The following PUDP variants were observed in gnomAD, a reference collection of about 807,000 sequenced individuals.
PUDP encodes pseudouridine-5'-phosphatase.
In PUDP, 8 loss-of-function variants were observed where a neutral mutation model predicts 9.4. The ratio of observed to expected loss-of-function variants is 0.85; its 90% CI spans 0.50 to 1.53. PUDP has a LOEUF of 1.53. Among genes scored for constraint, PUDP ranks in the 40% most tolerant of loss-of-function variants. The pLI is 0.00. For missense variants in PUDP, 188 were observed against 189.7 expected (o/e 0.99, Z 0.05); for synonymous variants, 99 against 80.7 (o/e 1.23, Z -1.22).
intron 3 of PUDP, among the ~76,000 whole-genome samples, chrX:6,785,869 T>A (rs1352270326): frequency 9.0e-6 from 1 of 111,662 alleles, no homozygotes; most frequent in Non-Finnish European, 1.9e-5. Flanking sequence ...GGGCCCTGGA[T>A]TCTTGCCCAA....
chrX:6,994,213 C>A (rs938504869), intron 1 of PUDP, among the ~76,000 whole-genome samples: 1 of 110,427 alleles, frequency 9.1e-6, no homozygotes, highest in Non-Finnish European at 1.9e-5. Flanking sequence ...AGGTGCTTGA[C>A]ACCAGCCTGG....
intron 2 of PUDP, among the ~76,000 whole-genome samples, chrX:7,089,577 G>GTT (rs199868774): frequency 1.8e-5 from 2 of 108,838 alleles, no homozygotes; most frequent in African/African-American, 6.7e-5. Context: ...CCTGCCTTTT[G>GTT]TTTTTTTTTG....
At chrX:6,899,410 G>C (rs1054456287) in intron 3 of PUDP, among the ~76,000 whole-genome samples, 1 of 111,733 alleles carries the variant, frequency 8.9e-6, no homozygotes, top group African/African-American at 3.3e-5. Flanking sequence ...GCAAAACCCT[G>C]TGTCTACAAA....
intron 3 of PUDP, among the ~76,000 whole-genome samples, chrX:6,746,509 T>C (rs1226856375): frequency 9.0e-6 from 1 of 111,408 alleles, no homozygotes; most frequent in African/African-American, 3.3e-5. Flanking sequence ...TGTCAACCCA[T>C]CACCTAGGTA....
downstream of PUDP, among the ~76,000 whole-genome samples, chrX:7,046,374 C>G (rs1929984051): frequency 1.8e-5 from 2 of 112,029 alleles, no homozygotes; most frequent in Non-Finnish European, 3.8e-5. Context: ...AGGAGAGAGG[C>G]CTGAGGAGGA....
intron 1 of PUDP, among the ~76,000 whole-genome samples, chrX:7,024,889 C>T (rs958275507): frequency 2.8e-5 from 3 of 108,215 alleles, no homozygotes; most frequent in African/African-American, 6.8e-5. Context: ...CTGCACCTGG[C>T]CGACATAACC....
chrX:7,068,248 G>A (rs1314098311), intron 3 of PUDP, among the ~76,000 whole-genome samples: 2 of 112,305 alleles, frequency 1.8e-5, no homozygotes, highest in Admixed American at 1.9e-4. Flanking sequence ...ATGACAGTGT[G>A]TGCTCCTAAA....
At chrX:6,788,487 G>A (rs1363137971) in intron 3 of PUDP, among the ~76,000 whole-genome samples, 4 of 111,871 alleles carry the variant, frequency 3.6e-5, no homozygotes, top group Non-Finnish European at 5.6e-5. Context: ...CAGATCCCTT[G>A]AGCCTAGGAG....
chrX:7,132,708 T>C (rs1286668903), intron 1 of PUDP, among the ~76,000 whole-genome samples: 1 of 111,882 alleles, frequency 8.9e-6, no homozygotes, highest in Admixed American at 9.5e-5. Context: ...AGGGCCAGTT[T>C]ATGACCAAAT....
chrX:6,838,560 T>C (rs975981782), intron 3 of PUDP, among the ~76,000 whole-genome samples: 3 of 112,361 alleles, frequency 2.7e-5, no homozygotes, highest in African/African-American at 9.7e-5. Flanking sequence ...CCAAACTCTT[T>C]GGGCTTAATT....
chrX:7,127,506 T>C (rs1932514332), intron 1 of PUDP, among the ~76,000 whole-genome samples: 1 of 112,001 alleles, frequency 8.9e-6, no homozygotes, highest in Non-Finnish European at 1.9e-5. Flanking sequence ...TGGAGTTAGG[T>C]GGAAAGATAT....
chrX:6,901,220 C>T lies in PUDP; in HGVS notation c.*247+75913G>A, dbSNP rs760740642. On this transcript the variant is annotated intron_variant and NMD_transcript_variant, in intron 3 of 3. Coordinates refer to the PUDP transcript ENST00000655425. ...CTCATAGACACTGAACAAATGGCTGCAGAGATGATGTAAGATCAGATCAAA... is the reference window on the plus strand; with the variant it reads ...CTCATAGACACTGAACAAATGGCTGTAGAGATGATGTAAGATCAGATCAAA... 2.7e-5 allele frequency among the ~76,000 whole-genome samples: 3 copies of T among 111,966 alleles called. No homozygotes were observed. The East Asian group carries it at 8.4e-4, about 31-fold the overall frequency.
At chrX:6,877,338 T>TA (rs1366003032) in intron 3 of PUDP, among the ~76,000 whole-genome samples, 1 of 110,995 alleles carries the variant, frequency 9.0e-6, no homozygotes, top group African/African-American at 3.3e-5. Flanking sequence ...CATCCTAACA[T>TA]AAAAAAGAAT....
At chrX:6,887,143 TTAATTATTTA>T (rs1160729880) in intron 3 of PUDP, among the ~76,000 whole-genome samples, 11 of 73,845 alleles carry the variant, frequency 1.5e-4, no homozygotes, top group African/African-American at 4.2e-4. Context: ...TTGATTTAAT[TTAATTATTTA>T]ATTTAATTTA....
At chrX:7,147,632 G>T (rs1156282858) in intron 1 of PUDP, among the ~76,000 whole-genome samples, 5 of 112,286 alleles carry the variant, frequency 4.5e-5, no homozygotes, top group Admixed American at 2.8e-4. Context: ...CTTTGCAGAC[G>T]GGGAAGCTGA....
chrX:6,984,601 C>T (rs1327245132), intron 1 of PUDP, among the ~76,000 whole-genome samples: 1 of 111,458 alleles, frequency 9.0e-6, no homozygotes, highest in African/African-American at 3.3e-5. Flanking sequence ...AATCAGGAGT[C>T]AAGTAATGCC....
intron 3 of PUDP, among the ~76,000 whole-genome samples, chrX:6,775,916 C>T (rs1009218905): frequency 3.6e-5 from 4 of 111,484 alleles, no homozygotes; most frequent in African/African-American, 9.8e-5. Flanking sequence ...GAAATGTCTA[C>T]TGTTTATAAG....
intron 3 of PUDP, among the ~76,000 whole-genome samples, chrX:6,808,791 G>T (rs1926092833): frequency 8.9e-6 from 1 of 112,222 alleles, no homozygotes; most frequent in African/African-American, 3.2e-5. Context: ...TTTAAATAGT[G>T]AGCCCACAGC....
At chrX:6,920,031 T>C (rs1243559209) in intron 3 of PUDP, among the ~76,000 whole-genome samples, 1 of 109,601 alleles carries the variant, frequency 9.1e-6, no homozygotes, top group Non-Finnish European at 1.9e-5. Flanking sequence ...ACCATGGCCA[T>C]GGCTCAGGAG....
Sources: allele counts gnomAD v4.1 joint callset (sites outside exome capture counted in the v4.1 genomes callset), GRCh38; gene constraint gnomAD v4.1.1; transcripts MANE v1.5; gene names NCBI Gene and HGNC (gene_info 2026-07-23, HGNC 2026-07-21).